The following HIBADH variants were observed in gnomAD, a reference collection of about 807,000 sequenced individuals.
HIBADH encodes the protein 3-hydroxyisobutyrate dehydrogenase, mitochondrial.
HIBADH carries 25 observed loss-of-function variants against 36.1 expected under a neutral mutation model. The ratio of observed to expected loss-of-function variants is 0.69; its 90% CI spans 0.50 to 0.97. The LOEUF is 0.97. Ranked by LOEUF, HIBADH falls within the 50% of genes least tolerant of loss-of-function variation. The probability of loss-of-function intolerance (pLI) is 0.00; values close to 1 mark genes in which losing one functional copy is unlikely to be tolerated. For synonymous variants in HIBADH, 160 were observed against 149.5 expected (o/e 1.07, Z -0.51); for missense variants, 421 against 418.0 (o/e 1.01, Z -0.06).
At chr7:27,622,956 C>CA (rs148503953) in intron 4 of HIBADH, among the ~76,000 whole-genome samples, 2 of 151,938 alleles carry the variant, frequency 1.3e-5, no homozygotes, top group Admixed American at 1.3e-4. Flanking sequence ...AAGGACACAA[C>CA]AAAAAAAGAA....
intron 4 of HIBADH, among the ~76,000 whole-genome samples, chr7:27,607,210 T>C (rs1785243598): frequency 6.6e-6 from 1 of 152,064 alleles, no homozygotes; most frequent in South Asian, 2.1e-4. Flanking sequence ...CTAAATGCTG[T>C]ATTTAAAAGT....
intron 4 of HIBADH, among the ~76,000 whole-genome samples, chr7:27,581,200 C>G (rs950259048): frequency 3.3e-5 from 5 of 152,086 alleles, no homozygotes; most frequent in Non-Finnish European, 4.4e-5. Context: ...CAAGCCAGAC[C>G]AACATGGTCA....
intron 4 of HIBADH, among the ~76,000 whole-genome samples, chr7:27,598,118 G>A (rs1785061400): frequency 1.3e-5 from 2 of 152,260 alleles, no homozygotes; most frequent in South Asian, 4.2e-4. Flanking sequence ...GTGGCTAACA[G>A]CTTTCAACAC....
chr7:27,577,884 G>T (rs1784736981), intron 4 of HIBADH, among the ~76,000 whole-genome samples: 1 of 152,168 alleles, frequency 6.6e-6, no homozygotes, highest in Admixed American at 6.5e-5. Flanking sequence ...ATTTAATATA[G>T]TAGCTGGATA....
chr7:27,571,221 T>A (rs1008183576), intron 4 of HIBADH, among the ~76,000 whole-genome samples: 77 of 66,038 alleles, frequency 1.2e-3, no homozygotes, highest in Non-Finnish European at 2.7e-4. Flanking sequence ...CAATCTATCT[T>A]TTATTTTTAT....
intron 6 of HIBADH, 121 bp from the exon 7 acceptor site, chr7:27,531,469 A>C: frequency 1.1e-6 from 1 of 888,790 alleles, no homozygotes; most frequent in Non-Finnish European, 1.6e-6. Context: ...CTAAAATCTA[A>C]GCAGGTTGAT....
intron 1 of HIBADH, among the ~76,000 whole-genome samples, chr7:27,650,080 C>T (rs1033011087): frequency 6.6e-6 from 1 of 151,958 alleles, no homozygotes; most frequent in Non-Finnish European, 1.5e-5. Flanking sequence ...TAACAATAAA[C>T]TAAATAATGT....
At chr7:27,538,300 C>A (rs765216776) in intron 6 of HIBADH, 41 bp downstream of exon 6, 1 of 1,403,058 alleles carries the variant, frequency 7.1e-7, no homozygotes, top group South Asian at 1.2e-5. Flanking sequence ...AATAGGAAAG[C>A]CTATAAAAAT....
chr7:27,617,945 A>G (rs536365518), intron 4 of HIBADH, among the ~76,000 whole-genome samples: 148 of 152,296 alleles, frequency 9.7e-4, no homozygotes, highest in African/African-American at 3.5e-3. Context: ...ACTCCCCAGG[A>G]AAAAAATGGT....
chr7:27,573,341 C>T (rs1026349620), intron 4 of HIBADH, among the ~76,000 whole-genome samples: 1 of 152,154 alleles, frequency 6.6e-6, no homozygotes, highest in Middle Eastern at 3.2e-3. Flanking sequence ...ATGTGGATGA[C>T]CCTAACTACA....
At chr7:27,574,553 G>T (rs982999276) in intron 4 of HIBADH, among the ~76,000 whole-genome samples, 1 of 151,998 alleles carries the variant, frequency 6.6e-6, no homozygotes, top group Non-Finnish European at 1.5e-5. Flanking sequence ...GTTAGCTTCT[G>T]TCATAACTAA....
intron 2 of HIBADH, chr7:27,647,831 C>T (rs896804371): frequency 1.9e-5 from 4 of 214,792 alleles, no homozygotes; most frequent in South Asian, 7.2e-5. Context: ...TCATTACAGT[C>T]GTTCCACATA....
rs1203383135 is a variant in HIBADH at position 27,526,271 on chromosome 7, G to C, written c.954C>G (p.Tyr318Ter). 6.2e-7 allele frequency: 1 copy of C among 1,613,288 alleles called. No homozygotes were observed. Among genetic ancestry groups the C allele is most frequent in the African/African-American group, 1.3e-5 (1 of 74,860 alleles). The part of the protein sequence containing the change: ...QIYRMMCAKG[Y>*]SKKDFSSVFQ... ...ACACGGATGAGAAGTCTTTCTTTGA[G>C]TAGCCCTTTGCACACATCATCCTGT... Residue 318 changes from tyrosine (Y) to a stop codon, truncating the protein, a stop_gained, in exon 8 of 8, where the codon TAC becomes TAG. Transcript: ENST00000265395. LOFTEE classifies it high-confidence loss of function.
intron 4 of HIBADH, among the ~76,000 whole-genome samples, chr7:27,544,901 G>T (rs866726918): frequency 6.6e-6 from 1 of 152,304 alleles, no homozygotes; most frequent in Middle Eastern, 3.4e-3. Context: ...AGTTGCTTAA[G>T]CAAGAGAAGA....
intron 4 of HIBADH, among the ~76,000 whole-genome samples, chr7:27,561,143 T>A (rs746475387): frequency 2.6e-5 from 4 of 152,238 alleles, no homozygotes; most frequent in Non-Finnish European, 5.9e-5. Context: ...TGTCCATTTT[T>A]AAACTGGGTT....
rs1783914057 is a variant in HIBADH, at chr7:27,527,077, A to AT, written c.853-706_853-705insA. Among the ~76,000 whole-genome samples the AT allele has an allele frequency of 3.0e-4, 3 of 10,084 alleles. No homozygotes were observed. The African/African-American group carries it at 5.3e-3, about 18-fold the overall frequency. 6.6% of individuals were successfully genotyped at this position (10,084 alleles called of 152,430 possible). A position where few individuals can be genotyped will look rare whatever the true frequency, so the allele number is the denominator to read the frequency against. ...GGCAGACAATGTGACAGCAAATGTG[A>AT]AGCAAATGTGAAGGTTTCCAAGAGA... On this transcript the variant is annotated intron_variant, in intron 7 of 7. Coordinates refer to ENST00000265395, the MANE Select transcript of HIBADH (RefSeq NM_152740.4).
chr7:27,637,781 C>T (rs1462413639), intron 2 of HIBADH, among the ~76,000 whole-genome samples: 2 of 152,072 alleles, frequency 1.3e-5, no homozygotes, highest in South Asian at 2.1e-4. Context: ...ACTAACATTC[C>T]TATATACCAA....
intron 4 of HIBADH, among the ~76,000 whole-genome samples, chr7:27,628,613 T>C (rs1785689134): frequency 6.6e-6 from 1 of 152,074 alleles, no homozygotes; most frequent in African/African-American, 2.4e-5. Context: ...TTCTTCTAAT[T>C]GAGACAATCA....
intron 4 of HIBADH, among the ~76,000 whole-genome samples, chr7:27,581,023 A>G (rs1784778979): frequency 6.6e-6 from 1 of 152,152 alleles, no homozygotes; most frequent in South Asian, 2.1e-4. Flanking sequence ...TAAAAAGGAA[A>G]GGTCATCAGC....
Sources: gnomAD v4.1 joint callset for allele counts (sites outside exome capture counted in the v4.1 genomes callset) on GRCh38, gnomAD v4.1.1 for gene constraint, MANE v1.5 for transcripts, NCBI Gene and HGNC (gene_info 2026-07-23, HGNC 2026-07-21) for gene names.